The following CAPN13 variants were observed in gnomAD, a reference collection of about 807,000 sequenced individuals.
CAPN13 encodes the protein calpain-13.
In CAPN13, 90 loss-of-function variants were observed where a neutral mutation model predicts 98.4. The observed-to-expected ratio is 0.92, with a 90% CI of 0.77 to 1.09. The LOEUF (loss-of-function observed/expected upper bound fraction) is 1.09. CAPN13 is among the 50% of genes least tolerant of loss of function. The pLI, the probability that CAPN13 is intolerant of heterozygous loss-of-function variation, is 0.00. For missense variants in CAPN13, 887 were observed against 841.3 expected (o/e 1.05, Z -0.67); for synonymous variants, 330 against 305.5 (o/e 1.08, Z -0.84).
chr2:30,733,280 C>A (rs1347252770), intron 19 of CAPN13, among the ~76,000 whole-genome samples: 1 of 152,016 alleles, frequency 6.6e-6, no homozygotes, highest in African/African-American at 2.4e-5. Context: ...CAGGAGGTTT[C>A]TCTAGCGGAG....
rs115361495 is a variant in CAPN13 at position 30,777,350 on chromosome 2, G to T, written c.271+217C>A. On this transcript the variant is annotated intron_variant, in intron 3 of 22. Transcript: ENST00000295055. ...GTTGCACACACAAGGTATCTTGCAC[G>T]GTCATTGCAGAAACTCAGTGTATGT... Among the ~76,000 whole-genome samples, 324 of 152,326 alleles carry T rather than the reference G, an allele frequency of 2.1e-3. 3 individuals carry two copies. Among genetic ancestry groups the T allele is most frequent in the African/African-American group, 7.4e-3 (309 of 41,564 alleles).
intron 7 of CAPN13, 76 bp downstream of exon 7, chr2:30,763,006 T>A: frequency 8.4e-7 from 1 of 1,196,922 alleles, no homozygotes. Flanking sequence ...CATGTGATTC[T>A]GGCCCCTATT....
intron 8 of CAPN13, among the ~76,000 whole-genome samples, chr2:30,755,461 T>C (rs1229190631): frequency 3.3e-5 from 5 of 152,172 alleles, no homozygotes; most frequent in Admixed American, 2.6e-4. Context: ...CCTAATAGCA[T>C]ACAGTGATTT....
chr2:30,742,221 T>C (rs1671697184), intron 14 of CAPN13, 105 bp downstream of exon 14: 1 of 1,365,858 alleles, frequency 7.3e-7, no homozygotes, highest in South Asian at 1.3e-5. Context: ...GTGTCTCTCT[T>C]TTCATTGGTT....
intron 10 of CAPN13, among the ~76,000 whole-genome samples, chr2:30,751,624 C>T (rs1238087297): frequency 6.6e-6 from 1 of 152,188 alleles, no homozygotes; most frequent in Non-Finnish European, 1.5e-5. Flanking sequence ...CAACTAGAGA[C>T]AGGAAAACAG....
chr2:30,795,340 A>T (rs1322602970), intron 1 of CAPN13, among the ~76,000 whole-genome samples: 3 of 152,106 alleles, frequency 2.0e-5, no homozygotes, highest in Non-Finnish European at 4.4e-5. Flanking sequence ...AAGTATGCCA[A>T]ATTATTGTCC....
chr2:30,792,733 C>T (rs946722457), intron 1 of CAPN13, among the ~76,000 whole-genome samples: 3 of 151,290 alleles, frequency 2.0e-5, no homozygotes, highest in Non-Finnish European at 3.0e-5. Context: ...ATACTAAAAA[C>T]GAAACCTCAT....
chr2:30,736,417 T>C (rs1671367476), intron 18 of CAPN13, 86 bp downstream of exon 18: 1 of 1,326,996 alleles, frequency 7.5e-7, no homozygotes. Context: ...TTCATACCCC[T>C]GAACCCTGGT....
chr2:30,758,195 G>T, intron 7 of CAPN13, 58 bp from the exon 8 acceptor site: 1 of 1,301,366 alleles, frequency 7.7e-7, no homozygotes, highest in South Asian at 1.4e-5. Flanking sequence ...AGCAGAAAGG[G>T]GGATGAATGC....
intron 17 of CAPN13, among the ~76,000 whole-genome samples, chr2:30,736,847 G>A (rs1015152273): frequency 1.3e-5 from 2 of 152,216 alleles, no homozygotes; most frequent in East Asian, 1.9e-4. Flanking sequence ...TCTAGAACAC[G>A]GCCTTCACCA....
At chr2:30,796,428 T>C (rs1674888309) in intron 1 of CAPN13, among the ~76,000 whole-genome samples, 1 of 151,916 alleles carries the variant, frequency 6.6e-6, no homozygotes, top group Non-Finnish European at 1.5e-5. Context: ...AGATCATGGA[T>C]GAATGGTCTG....
intron 7 of CAPN13, 127 bp downstream of exon 7, chr2:30,762,955 G>A: frequency 1.4e-6 from 1 of 711,930 alleles, no homozygotes; most frequent in Non-Finnish European, 2.2e-6. Flanking sequence ...TCACCACAGA[G>A]GCAAGGGCGA....
intron 22 of CAPN13, among the ~76,000 whole-genome samples, chr2:30,724,585 C>T (rs573192151): frequency 2.6e-5 from 4 of 152,250 alleles, no homozygotes; most frequent in African/African-American, 9.6e-5. Flanking sequence ...ATGTCGGTTT[C>T]CCAGTTGGAT....
chr2:30,752,153 T>C (rs909507150), intron 10 of CAPN13, among the ~76,000 whole-genome samples: 1 of 152,152 alleles, frequency 6.6e-6, no homozygotes, highest in Admixed American at 6.5e-5. Flanking sequence ...GCAGAAGTTC[T>C]GTAGATCACT....
At chr2:30,743,835 C>T (rs1014510307) in intron 12 of CAPN13, 4 of 595,446 alleles carry the variant, frequency 6.7e-6, no homozygotes, top group South Asian at 5.0e-5. Flanking sequence ...TAACAGCATC[C>T]TGAGTTTCTG....
intron 18 of CAPN13, among the ~76,000 whole-genome samples, chr2:30,735,655 T>C (rs1156406235): frequency 1.3e-5 from 2 of 152,048 alleles, no homozygotes; most frequent in Non-Finnish European, 2.9e-5. Context: ...TGCAATGAAA[T>C]GAGAAACCAA....
chr2:30,742,078 CA>C, intron 14 of CAPN13, 114 bp from the exon 15 acceptor site: 1 of 1,072,446 alleles, frequency 9.3e-7, no homozygotes, highest in Non-Finnish European at 1.4e-6. Flanking sequence ...CTTTATTGGG[CA>C]GTTGGAAAAA....
intron 12 of CAPN13, among the ~76,000 whole-genome samples, chr2:30,744,537 G>T (rs899933432): frequency 2.6e-5 from 4 of 152,178 alleles, no homozygotes; most frequent in African/African-American, 7.2e-5. Flanking sequence ...TGCATGTGTG[G>T]GTGCATGGGG....
At chr2:30,767,282 C>CT (rs1337475654) in intron 5 of CAPN13, among the ~76,000 whole-genome samples, 1 of 152,102 alleles carries the variant, frequency 6.6e-6, no homozygotes, top group African/African-American at 2.4e-5. Flanking sequence ...TCAGAGCTTC[C>CT]TTTTTTGGAT....
Sources: gnomAD v4.1 joint callset for allele counts (sites outside exome capture counted in the v4.1 genomes callset) on GRCh38, gnomAD v4.1.1 for gene constraint, MANE v1.5 for transcripts, NCBI Gene and HGNC (gene_info 2026-07-23, HGNC 2026-07-21) for gene names.